DRD3: variants seen among roughly 807,000 people sequenced by gnomAD.
DRD3 encodes D(3) dopamine receptor.
A neutral mutation model predicts 36.3 loss-of-function variants in DRD3; 19 were observed. The observed-to-expected ratio is 0.52, with a 90% confidence interval of 0.36 to 0.77. The LOEUF is 0.77. Ranked by LOEUF, DRD3 falls within the 30% of genes least tolerant of loss-of-function variation. The probability of loss-of-function intolerance (pLI) is 0.00; values close to 1 mark genes in which losing one functional copy is unlikely to be tolerated. For missense variants in DRD3, 465 were observed against 505.3 expected, an observed-to-expected ratio of 0.92 and a Z score of 0.77; for synonymous variants, 195 against 203.7, an observed-to-expected ratio of 0.96 and a Z score of 0.36.
intron 2 of DRD3, among the ~76,000 whole-genome samples, chr3:114,162,391 G>A (rs923248479): frequency 1.8e-4 from 27 of 152,204 alleles, no homozygotes; most frequent in South Asian, 2.1e-4. Context: ...AGGGGATGGA[G>A]TTATTGTTAC....
rs201430965 is a variant in DRD3 at position 114,131,380 on chromosome 3, T to A, written c.744A>T (p.Ala248=). The A allele has an allele frequency of 2.7e-5, 44 of 1,613,840 alleles. No homozygotes were observed. Among genetic ancestry groups the A allele is most frequent in the Middle Eastern group, 3.3e-4 (2 of 6,080 alleles). Residue 248 remains alanine (A), a synonymous_variant, in exon 6 of 7, where the codon GCA becomes GCT. Coordinates refer to ENST00000383673, the MANE Select transcript of DRD3 (RefSeq NM_000796.6). ...TGTAGTAACGCTTCAGCTCCAGATG[T>A]GCCGGGTCAGGAGAGAGGGTCTGCA... is the stretch of plus-strand genomic sequence containing the variant. The part of the protein sequence containing the change: ...FPQQTLSPDP[A]HLELKRYYSI...
At chr3:114,177,000 A>T (rs2077906289) in intron 1 of DRD3, among the ~76,000 whole-genome samples, 1 of 152,180 alleles carries the variant, frequency 6.6e-6, no homozygotes, top group Non-Finnish European at 1.5e-5. Context: ...GATGGAGTTG[A>T]TTCAACCCAA....
intron 5 of DRD3, among the ~76,000 whole-genome samples, chr3:114,138,398 A>C (rs1013737056): frequency 6.6e-6 from 1 of 152,216 alleles, no homozygotes; most frequent in Non-Finnish European, 1.5e-5. Context: ...GGGAGGCCTC[A>C]CAATCATGGT....
At position 114,184,281 on chromosome 3, in the gene DRD3, C is replaced by G. The variant is rs1203213846; in HGVS notation, c.-155-5505G>C. ...CTTCACTCTTTTTGGTTGTTAATGT[C>G]ATAAAATTATACCTTTATATATTGT... On this transcript the variant is annotated intron_variant, in intron 1 of 7. Transcript: ENST00000460779. Among the ~76,000 whole-genome samples, 3 of 152,204 alleles carry G rather than the reference C, an allele frequency of 2.0e-5. No homozygotes were observed. The East Asian group carries it at 5.8e-4, about 29-fold the overall frequency.
upstream of DRD3, among the ~76,000 whole-genome samples, chr3:114,180,144 A>G (rs2077938575): frequency 1.3e-5 from 2 of 152,098 alleles, no homozygotes; most frequent in Admixed American, 6.5e-5. Context: ...AAGACTGATA[A>G]TATGTCAGAG....
intron 1 of DRD3, among the ~76,000 whole-genome samples, chr3:114,196,014 A>C (rs867874361): frequency 6.6e-6 from 1 of 152,238 alleles, no homozygotes; most frequent in South Asian, 2.1e-4. Context: ...GTTGTACTCT[A>C]GACTCTCTAG....
intron 1 of DRD3, among the ~76,000 whole-genome samples, chr3:114,184,721 T>A (rs112976968): frequency 0.015 from 2,229 of 151,976 alleles, 33 homozygotes; most frequent in Middle Eastern, 0.034. Context: ...TGTCACCATA[T>A]CTGGCTAATT....
chr3:114,193,493 G>C (rs1267363548), intron 1 of DRD3, among the ~76,000 whole-genome samples: 1 of 152,190 alleles, frequency 6.6e-6, no homozygotes, highest in Non-Finnish European at 1.5e-5. Context: ...CAGCCTGAAG[G>C]CTCCCTCTCC....
chr3:114,135,773 T>G (rs1162839309), intron 5 of DRD3, among the ~76,000 whole-genome samples: 1 of 152,118 alleles, frequency 6.6e-6, no homozygotes, highest in Non-Finnish European at 1.5e-5. Context: ...CACTGCAACC[T>G]TTGCTTCCTG....
chr3:114,189,795 G>A lies in DRD3; in HGVS notation c.-156+9478C>T, dbSNP rs2107903409. On this transcript the variant is annotated intron_variant, in intron 1 of 7. Coordinates refer to the DRD3 transcript ENST00000460779. ...TTGAGTTTGCAACCCCTGGAAGAAG[G>A]TGACACTGTGGCAATTGAATGACTC... 2.0e-5 allele frequency among the ~76,000 whole-genome samples: 3 copies of A among 152,302 alleles called. 1 individual carries two copies. The highest frequency in any genetic ancestry group is 1.9e-4 in the East Asian group (1 of 5,180).
chr3:114,158,548 T>A (rs1051012958), intron 3 of DRD3, among the ~76,000 whole-genome samples: 1 of 152,222 alleles, frequency 6.6e-6, no homozygotes, highest in Non-Finnish European at 1.5e-5. Flanking sequence ...AAGACCTAGC[T>A]CCTGATCACC....
chr3:114,194,078 G>T (rs2078024947), intron 1 of DRD3, among the ~76,000 whole-genome samples: 1 of 152,178 alleles, frequency 6.6e-6, no homozygotes. Flanking sequence ...TCAATCAGTT[G>T]CTATCCCTGC....
At chr3:114,139,419 A>G in intron 5 of DRD3, 81 bp downstream of exon 5, 1 of 1,369,236 alleles carries the variant, frequency 7.3e-7, no homozygotes, top group Non-Finnish European at 9.9e-7. Context: ...GCTAAACGGC[A>G]AAATCATGCA....
rs1200398323 is a variant in DRD3, at chr3:114,178,804, C to T, written c.-183G>A. On this transcript the variant is annotated 5_prime_UTR_variant, in exon 1 of 7. The change abolishes an upstream ATG in the 5' untranslated region. Transcript: ENST00000383673. Reference sequence around the variant, plus strand: ...ATGAAATGAACAGAAAGAAATCACCCATTTTTGCCTCTAAGGTGAAATTAC... The same window carrying T: ...ATGAAATGAACAGAAAGAAATCACCTATTTTTGCCTCTAAGGTGAAATTAC... 6.6e-6 allele frequency: 1 copy of T among 152,144 alleles called. No homozygotes were observed. The highest frequency in any genetic ancestry group is 2.4e-5 in the African/African-American group (1 of 41,430). 9.4% of individuals were successfully genotyped at this position (152,144 alleles called of 1,614,324 possible). A position where few individuals can be genotyped will look rare whatever the true frequency, so the allele number is the denominator to read the frequency against.
chr3:114,152,047 C>T (rs1354870731), intron 3 of DRD3, among the ~76,000 whole-genome samples: 1 of 152,184 alleles, frequency 6.6e-6, no homozygotes, highest in East Asian at 1.9e-4. Flanking sequence ...CAGAAATGTG[C>T]ATTTTTGTTT....
intron 4 of DRD3, among the ~76,000 whole-genome samples, chr3:114,145,300 G>A (rs938315621): frequency 2.6e-5 from 4 of 152,194 alleles, no homozygotes; most frequent in East Asian, 3.8e-4. Flanking sequence ...TAGCATTCAC[G>A]AAAAATGATA....
chr3:114,156,907 C>T (rs551887832), intron 3 of DRD3, among the ~76,000 whole-genome samples: 62 of 138,118 alleles, frequency 4.5e-4, no homozygotes, highest in African/African-American at 1.5e-3. Flanking sequence ...TTTCTTCCTT[C>T]CTTCTTTCCT....
chr3:114,156,743 TTTTCTTTCTTTC>T (rs1158303889), intron 3 of DRD3, among the ~76,000 whole-genome samples: 14 of 20,684 alleles, frequency 6.8e-4, no homozygotes, highest in African/African-American at 1.1e-3. Context: ...CTTTCTTTCT[TTTTCTTTCTTTC>T]TTTCTTTCTT....
intron 1 of DRD3, among the ~76,000 whole-genome samples, chr3:114,185,367 C>A (rs114903659): frequency 6.6e-6 from 1 of 152,006 alleles, no homozygotes. Flanking sequence ...TTCTTTCTTG[C>A]CTGCTTAAAT....
Sources: allele counts gnomAD v4.1 joint callset (sites outside exome capture counted in the v4.1 genomes callset), GRCh38; gene constraint gnomAD v4.1.1; transcripts MANE v1.5; gene names NCBI Gene and HGNC (gene_info 2026-07-23, HGNC 2026-07-21).